The following THSD7B variants were observed in gnomAD, a reference collection of about 807,000 sequenced individuals.
The protein encoded by THSD7B is thrombospondin type-1 domain-containing protein 7B.
THSD7B carries 138 observed loss-of-function variants against 213.6 expected under a neutral mutation model. The ratio of observed to expected loss-of-function variants is 0.65; its 90% CI spans 0.56 to 0.74. THSD7B has a LOEUF of 0.74. Among genes scored for constraint, THSD7B ranks in the 30% least tolerant of loss-of-function variants. THSD7B has a pLI of 0.00. For missense variants in THSD7B, 1,931 were observed against 1,991.5 expected (o/e 0.97, Z 0.58); for synonymous variants, 742 against 687.0 (o/e 1.08, Z -1.25).
chr2:137,284,581 G>T (rs1683121462), intron 12 of THSD7B, among the ~76,000 whole-genome samples: 1 of 152,242 alleles, frequency 6.6e-6, no homozygotes, highest in African/African-American at 2.4e-5. Context: ...ATGTGTCCCA[G>T]AGATTCTGGT....
chr2:137,286,060 C>T (rs567934731), intron 12 of THSD7B, among the ~76,000 whole-genome samples: 105 of 149,522 alleles, frequency 7.0e-4, no homozygotes, highest in African/African-American at 2.4e-3. Flanking sequence ...GCCGAGATCT[C>T]GCCATTTCAC....
At chr2:136,790,663 T>C (rs891318242) in intron 1 of THSD7B, among the ~76,000 whole-genome samples, 1 of 152,088 alleles carries the variant, frequency 6.6e-6, no homozygotes, top group Non-Finnish European at 1.5e-5. Context: ...TCTGCCATGA[T>C]AGTTAGCATA....
chr2:136,886,173 A>G (rs1461407752), intron 2 of THSD7B, among the ~76,000 whole-genome samples: 1 of 152,146 alleles, frequency 6.6e-6, no homozygotes, highest in Non-Finnish European at 1.5e-5. Context: ...CGGGGTCCAC[A>G]TGGGGTATGT....
chr2:137,352,429 T>A (rs1685035023), intron 12 of THSD7B, among the ~76,000 whole-genome samples: 1 of 152,014 alleles, frequency 6.6e-6, no homozygotes, highest in African/African-American at 2.4e-5. Context: ...CAAAAGCAAC[T>A]TGGTCATTTC....
chr2:136,839,731 T>C (rs1452391227), intron 1 of THSD7B, among the ~76,000 whole-genome samples: 1 of 152,222 alleles, frequency 6.6e-6, no homozygotes, highest in Non-Finnish European at 1.5e-5. Flanking sequence ...TTTTTTCTTC[T>C]TCCTTTTTTT....
intron 2 of THSD7B, among the ~76,000 whole-genome samples, chr2:136,905,090 C>T (rs1022895031): frequency 1.3e-5 from 2 of 152,222 alleles, no homozygotes; most frequent in African/African-American, 4.8e-5. Context: ...ACCTTACTCT[C>T]CTTCTGCATG....
intron 16 of THSD7B, among the ~76,000 whole-genome samples, chr2:137,570,426 A>T (rs1214441771): frequency 6.6e-6 from 1 of 152,048 alleles, no homozygotes; most frequent in African/African-American, 2.4e-5. Context: ...CTCCTGCCTT[A>T]GCCTCCCGAG....
At chr2:137,666,707 GTTAGC>G (rs1001145409) in intron 26 of THSD7B, among the ~76,000 whole-genome samples, 1 of 151,968 alleles carries the variant, frequency 6.6e-6, no homozygotes, top group Non-Finnish European at 1.5e-5. Flanking sequence ...TCTAAGTTTA[GTTAGC>G]TATATGCTCA....
intron 12 of THSD7B, among the ~76,000 whole-genome samples, chr2:137,314,019 C>T (rs1461992006): frequency 7.2e-5 from 11 of 152,056 alleles, no homozygotes; most frequent in South Asian, 2.1e-4. Context: ...ATCTTTGTGG[C>T]GTTCTCTGTA....
chr2:137,446,710 T>G (rs1422237991), intron 14 of THSD7B, among the ~76,000 whole-genome samples: 2 of 152,112 alleles, frequency 1.3e-5, no homozygotes, highest in Non-Finnish European at 2.9e-5. Flanking sequence ...AAGCAATGTA[T>G]TCTGCATATA....
At chr2:137,112,359 G>A (rs934637632) in intron 4 of THSD7B, among the ~76,000 whole-genome samples, 5 of 85,912 alleles carry the variant, frequency 5.8e-5, no homozygotes, top group South Asian at 3.0e-4. Context: ...TTTCTCTGAG[G>A]TGGTAAAAAA....
rs74928772 is a variant in THSD7B, at chr2:137,636,095, A to C, written c.3800-6393A>C. Among the ~76,000 whole-genome samples, 360 of 152,300 alleles carry C rather than the reference A, an allele frequency of 2.4e-3. 2 individuals are homozygous for C. The highest frequency in any genetic ancestry group is 8.4e-3 in the African/African-American group (348 of 41,562). On this transcript the variant is annotated intron_variant, in intron 20 of 27. Coordinates refer to ENST00000409968, the MANE Select transcript of THSD7B (RefSeq NM_001316349.2). ...TCATCATCTGATATTCTTCATCTGA[A>C]TCTGCATTATTGTGAATTCCATAGA...
chr2:137,248,863 A>G (rs1378062011), intron 10 of THSD7B, among the ~76,000 whole-genome samples: 3 of 152,196 alleles, frequency 2.0e-5, no homozygotes, highest in Non-Finnish European at 2.9e-5. Context: ...ACTTTAGATA[A>G]TGTTATCTTT....
chr2:137,053,758 G>A, intron 2 of THSD7B, among the ~76,000 whole-genome samples: 1 of 152,014 alleles, frequency 6.6e-6, no homozygotes, highest in East Asian at 1.9e-4. Flanking sequence ...GGAAAATTGT[G>A]TATGCTTAAT....
intron 12 of THSD7B, among the ~76,000 whole-genome samples, chr2:137,291,459 T>A (rs986521343): frequency 5.3e-5 from 8 of 152,180 alleles, no homozygotes; most frequent in Non-Finnish European, 7.3e-5. Context: ...AAATGTTTGC[T>A]CAATAAATAT....
At chr2:136,853,260 G>A (rs1360174682) in intron 1 of THSD7B, among the ~76,000 whole-genome samples, 1 of 152,068 alleles carries the variant, frequency 6.6e-6, no homozygotes, top group Non-Finnish European at 1.5e-5. Context: ...GGTCCATATG[G>A]AATCCAGGAT....
chr2:137,043,538 C>G (rs936854394), intron 2 of THSD7B, among the ~76,000 whole-genome samples: 1 of 152,044 alleles, frequency 6.6e-6, no homozygotes, highest in Middle Eastern at 3.2e-3. Context: ...AGTTTTGCTC[C>G]GAGGAGGAGA....
chr2:136,829,623 A>C (rs1369599164), intron 1 of THSD7B, among the ~76,000 whole-genome samples: 1 of 152,158 alleles, frequency 6.6e-6, no homozygotes, highest in Non-Finnish European at 1.5e-5. Context: ...AGGTTGTCTC[A>C]TTTAAATTTG....
At position 137,632,967 on chromosome 2, in the gene THSD7B, C is replaced by T. The variant is rs1434687319; in HGVS notation, c.3800-9521C>T. Among the ~76,000 whole-genome samples, 34 of 152,178 alleles carry T rather than the reference C, an allele frequency of 2.2e-4. 1 individual carries two copies. Among genetic ancestry groups the T allele is most frequent in the Non-Finnish European group, 4.4e-5 (3 of 68,014 alleles). On this transcript the variant is annotated intron_variant, in intron 20 of 27. Transcript: ENST00000409968. ...AACTTTCATATAAGCCAAGGAATCC[C>T]TCTATAGGGGAAGCTGAGGGACTGT...
Sources: gnomAD v4.1 joint callset for allele counts (sites outside exome capture counted in the v4.1 genomes callset) on GRCh38, gnomAD v4.1.1 for gene constraint, MANE v1.5 for transcripts, NCBI Gene and HGNC (gene_info 2026-07-23, HGNC 2026-07-21) for gene names.